The following TENM2 variants were observed in gnomAD, a reference collection of about 807,000 sequenced individuals.
The protein encoded by TENM2 is teneurin transmembrane protein 2, also known as teneurin-2.
Under a neutral mutation model 245.2 loss-of-function variants are expected in TENM2, and 52 were observed. The observed-to-expected ratio is 0.21, with a 90% confidence interval of 0.17 to 0.27. The LOEUF (loss-of-function observed/expected upper bound fraction) is 0.27. Among genes scored for constraint, TENM2 ranks in the 10% least tolerant of loss-of-function variants. TENM2 has a pLI of 1.00. For missense variants in TENM2, 3,046 were observed against 3,666.8 expected (o/e 0.83, Z 4.37); for synonymous variants, 1,363 against 1,438.9 (o/e 0.95, Z 1.19).
chr5:168,250,125 TGGATGGATGGATG>T (rs1365105932), intron 27 of TENM2, among the ~76,000 whole-genome samples: 1 of 121,018 alleles, frequency 8.3e-6, no homozygotes, highest in East Asian at 2.0e-4. Context: ...GATGGATGGA[TGGATGGATGGATG>T]GATGGATGGA....
At chr5:167,274,318 G>T in the TENM2 span, among the ~76,000 whole-genome samples, 1 of 152,070 alleles carries the variant, frequency 6.6e-6, no homozygotes, top group Non-Finnish European at 1.5e-5. Context: ...CATACTGATT[G>T]TTCTGTGTAT....
intron 2 of TENM2, among the ~76,000 whole-genome samples, chr5:167,387,596 A>G (rs772401754): frequency 2.6e-5 from 4 of 152,042 alleles, no homozygotes; most frequent in Non-Finnish European, 5.9e-5. Flanking sequence ...GTTTTGTTTC[A>G]GTTCTCAGAG....
At chr5:167,202,289 C>T in the TENM2 span, among the ~76,000 whole-genome samples, 1 of 152,084 alleles carries the variant, frequency 6.6e-6, no homozygotes, top group African/African-American at 2.4e-5. Context: ...CCGGTCTCTT[C>T]CCTGCATTTA....
At position 167,663,700 on chromosome 5, in the gene TENM2, T is replaced by G. The variant is rs1277863735; in HGVS notation, c.503-212286T>G. Among the ~76,000 whole-genome samples, 4 of 152,100 alleles carry G rather than the reference T, an allele frequency of 2.6e-5. No individual in the cohort carries two copies. In the East Asian group the frequency reaches 7.7e-4, roughly 29 times the overall value. On this transcript the variant is annotated intron_variant, in intron 2 of 28. Coordinates refer to ENST00000518659, the Ensembl canonical transcript of TENM2. ...TCATTTTCTATTCCATTTTGTCTCT[T>G]ATTCTCTCATATTTTAATCTCTGTG...
chr5:167,726,709 T>G (rs1387666644), intron 2 of TENM2, among the ~76,000 whole-genome samples: 1 of 152,164 alleles, frequency 6.6e-6, no homozygotes, highest in Non-Finnish European at 1.5e-5. Flanking sequence ...TCCTCTTGCT[T>G]TGGCCTCCCA....
intron 1 of TENM2, among the ~76,000 whole-genome samples, chr5:167,359,340 C>A (rs7702966): frequency 0.58 from 87,798 of 151,982 alleles, 26,574 homozygotes; most frequent in Middle Eastern, 0.77. Flanking sequence ...ATGTGCCAGG[C>A]ATGCTCCTTC....
chr5:167,681,780 A>G (rs2150377634), intron 2 of TENM2, among the ~76,000 whole-genome samples: 1 of 152,224 alleles, frequency 6.6e-6, no homozygotes, highest in Non-Finnish European at 1.5e-5. Context: ...AGTTTTCCAT[A>G]TCCTCATCAA....
chr5:168,057,515 G>A (rs572197078), intron 6 of TENM2, among the ~76,000 whole-genome samples: 266 of 152,262 alleles, frequency 1.7e-3, no homozygotes, highest in Non-Finnish European at 3.3e-3. Flanking sequence ...TAGCTGCTTA[G>A]TAACAAGGAT....
intron 2 of TENM2, among the ~76,000 whole-genome samples, chr5:167,445,322 T>TAGAGAG (rs1765098122): frequency 2.5e-5 from 1 of 39,916 alleles, no homozygotes; most frequent in Admixed American, 3.0e-4. Flanking sequence ...TATATATATA[T>TAGAGAG]ATATATATAT....
chr5:167,058,984 T>C, the TENM2 span, among the ~76,000 whole-genome samples: 1 of 152,264 alleles, frequency 6.6e-6, no homozygotes, highest in East Asian at 1.9e-4. Flanking sequence ...ATTAAGTTGT[T>C]TGAACCTAAA....
At chr5:167,769,115 C>T (rs1763233064) in intron 2 of TENM2, among the ~76,000 whole-genome samples, 1 of 152,298 alleles carries the variant, frequency 6.6e-6, no homozygotes, top group Admixed American at 6.5e-5. Flanking sequence ...TTTTTATACT[C>T]TGTTTAGTTT....
chr5:167,084,531 G>A, the TENM2 span, among the ~76,000 whole-genome samples: 18 of 151,122 alleles, frequency 1.2e-4, no homozygotes, highest in African/African-American at 3.6e-4. Flanking sequence ...GGCCAACTCC[G>A]TTAAGGATTA....
At chr5:167,763,824 T>G (rs546046547) in intron 2 of TENM2, among the ~76,000 whole-genome samples, 42 of 152,340 alleles carry the variant, frequency 2.8e-4, no homozygotes, top group African/African-American at 9.4e-4. Context: ...TTGTTGAGCT[T>G]GACAAGCATT....
rs543253171 is a variant in TENM2 at position 167,814,919 on chromosome 5, G to A, written c.503-61067G>A. ...CAGAATGTGTGAGGAAACGGCTAAT[G>A]TGGGAAATGCCGATGGAGAGAAATT... On this transcript the variant is annotated intron_variant, in intron 2 of 28. Transcript: ENST00000518659. Among the ~76,000 whole-genome samples, 5 of 152,286 alleles carry A rather than the reference G, an allele frequency of 3.3e-5. No homozygotes were observed. The South Asian group carries it at 8.3e-4, about 25-fold the overall frequency.
At chr5:167,084,046 T>A in the TENM2 span, among the ~76,000 whole-genome samples, 1 of 151,952 alleles carries the variant, frequency 6.6e-6, no homozygotes, top group African/African-American at 2.4e-5. Context: ...TTTGAATGTG[T>A]GAAATTAGCC....
chr5:168,069,433 A>G (rs1790790454), intron 7 of TENM2, among the ~76,000 whole-genome samples: 2 of 152,220 alleles, frequency 1.3e-5, no homozygotes, highest in South Asian at 4.1e-4. Flanking sequence ...CTGAGACAAC[A>G]ATATTCATTA....
intron 5 of TENM2, among the ~76,000 whole-genome samples, chr5:168,033,909 C>T (rs1432286029): frequency 1.3e-5 from 2 of 151,886 alleles, no homozygotes; most frequent in African/African-American, 4.8e-5. Flanking sequence ...CACCTATAGT[C>T]CCAGCTACTC....
At chr5:167,806,982 G>A (rs1766225450) in intron 2 of TENM2, among the ~76,000 whole-genome samples, 1 of 151,696 alleles carries the variant, frequency 6.6e-6, no homozygotes, top group Non-Finnish European at 1.5e-5. Flanking sequence ...TGGGGGCTCA[G>A]TCACAAAGAC....
chr5:167,333,685 T>C (rs1313769044), intron 1 of TENM2, among the ~76,000 whole-genome samples: 1 of 152,144 alleles, frequency 6.6e-6, no homozygotes, highest in Admixed American at 6.5e-5. Flanking sequence ...ATGTTTGTTG[T>C]TCTTGTCCCT....
Sources: gnomAD v4.1 joint callset for allele counts (sites outside exome capture counted in the v4.1 genomes callset) on GRCh38, gnomAD v4.1.1 for gene constraint, MANE v1.5 for transcripts, NCBI Gene and HGNC (gene_info 2026-07-23, HGNC 2026-07-21) for gene names.